UBA6: variants seen among roughly 807,000 people sequenced by gnomAD.
UBA6 encodes ubiquitin-like modifier-activating enzyme 6.
In UBA6, 87 loss-of-function variants were observed where a neutral mutation model predicts 148.3. The observed-to-expected ratio is 0.59, with a 90% CI of 0.49 to 0.70. The LOEUF (loss-of-function observed/expected upper bound fraction) is 0.70. Ranked by LOEUF, UBA6 falls within the 30% of genes least tolerant of loss-of-function variation. The pLI is 0.00. For synonymous variants in UBA6, 376 were observed against 401.0 expected, an observed-to-expected ratio of 0.94 and a Z score of 0.75; for missense variants, 1,186 against 1,241.2, an observed-to-expected ratio of 0.96 and a Z score of 0.67.
Position 67,649,207 on chromosome 4 carries a change from TC to T in UBA6, c.1108del (p.Asp370MetfsTer2). On this transcript the variant is annotated frameshift_variant, in exon 14 of 33. Coordinates refer to ENST00000322244, the MANE Select transcript of UBA6 (RefSeq NM_018227.6). LOFTEE classifies it high-confidence loss of function. ...CCAATGCACAATGTCAGCATTTACA[TC>T]AGGCTAAAACAAAAGCCATAAAAGA... ...SISETLEEKP[D>X]VNADIVHWLS... is the part of the protein sequence containing the mutation. 6.2e-7 allele frequency: 1 copy of T among 1,607,614 alleles called. No homozygotes were observed. Among genetic ancestry groups the T allele is most frequent in the Non-Finnish European group, 8.5e-7 (1 of 1,177,470 alleles).
At chr4:67,671,669 T>C (rs1730152828) in intron 7 of UBA6, among the ~76,000 whole-genome samples, 1 of 152,322 alleles carries the variant, frequency 6.6e-6, no homozygotes, top group East Asian at 1.9e-4. Context: ...AAATATGCTA[T>C]ATAAATACAA....
chr4:67,636,570 T>C lies in UBA6; in HGVS notation c.1737-1012A>G, dbSNP rs1222346675. 2.6e-5 allele frequency among the ~76,000 whole-genome samples: 4 copies of C among 152,352 alleles called. No homozygotes were observed. In the East Asian group the frequency reaches 7.8e-4, roughly 30 times the overall value. ...CCACGCCTGACTGGTTTTCATATTTTTTTGGTGGAGACGGGGTTTTGCAGT... is the reference window on the plus strand; with the variant it reads ...CCACGCCTGACTGGTTTTCATATTTCTTTGGTGGAGACGGGGTTTTGCAGT... On this transcript the variant is annotated intron_variant, in intron 19 of 32. Coordinates refer to ENST00000322244, the MANE Select transcript of UBA6 (RefSeq NM_018227.6).
chr4:67,637,897 C>A (rs1729203799), intron 19 of UBA6, among the ~76,000 whole-genome samples: 2 of 151,190 alleles, frequency 1.3e-5, no homozygotes, highest in Admixed American at 1.3e-4. Flanking sequence ...ATGACCCTGC[C>A]AAATCCCCCT....
chr4:67,683,497 C>T (rs12648675), intron 2 of UBA6, among the ~76,000 whole-genome samples: 18,517 of 152,044 alleles, frequency 0.12, 1,286 homozygotes, highest in South Asian at 0.21. Context: ...AGGCTGCATG[C>T]GGCCCAGGAC....
At position 67,665,215 on chromosome 4, in the gene UBA6, C is replaced by T. The variant is rs1300086929; in HGVS notation, c.871G>A (p.Val291Ile). Residue 291 changes from valine to isoleucine, a missense_variant, in exon 10 of 33, where the codon GTT becomes ATT. Transcript: ENST00000322244. ...AAAAAAACTGTTTTAGGAGTCTTAA[C>T]TTGGACAGCTATGCCTCCATGTAAA... is the stretch of plus-strand genomic sequence containing the variant. ...PYLHGGIAVQVKTPKTVFFES... is the reference protein window; with the variant it reads ...PYLHGGIAVQIKTPKTVFFES... 2 of 1,596,990 alleles carry T rather than the reference C, an allele frequency of 1.3e-6. No homozygotes were observed. The highest frequency in any genetic ancestry group is 1.2e-5 in the South Asian group (1 of 86,696).
intron 26 of UBA6, among the ~76,000 whole-genome samples, chr4:67,629,602 T>C (rs1728950260): frequency 6.6e-6 from 1 of 152,046 alleles, no homozygotes; most frequent in African/African-American, 2.4e-5. Context: ...GATGAACTTA[T>C]ATGAATTTAA....
At chr4:67,670,801 A>G (rs1451053358) in intron 7 of UBA6, among the ~76,000 whole-genome samples, 1 of 151,818 alleles carries the variant, frequency 6.6e-6, no homozygotes, top group Non-Finnish European at 1.5e-5. Flanking sequence ...GATGTCCAGT[A>G]TAACAAAATT....
chr4:67,663,212 G>T lies in UBA6; in HGVS notation c.964C>A (p.Pro322Thr). Residue 322 changes from proline (P) to threonine (T), a missense_variant, in exon 12 of 33, where the codon CCT (proline) becomes ACT (threonine). Physicochemically the swap from Pro to Thr is conservative, Grantham distance 38. Transcript: ENST00000322244. Reference protein sequence around the residue: ...LIVDFSNPEAPLEIHTAMLAL... With the variant: ...LIVDFSNPEATLEIHTAMLAL... ...AGCATAGCTGTGTGAATCTCTAAAG[G>T]TGCCTATTGAGAACATTAAAAATCG... is the stretch of plus-strand genomic sequence containing the variant. 1 of 1,608,402 alleles carries T rather than the reference G, an allele frequency of 6.2e-7. No homozygotes were observed. The highest frequency in any genetic ancestry group is 1.1e-5 in the South Asian group (1 of 89,908).
At chr4:67,656,648 C>T (rs1729704423) in intron 13 of UBA6, among the ~76,000 whole-genome samples, 1 of 152,188 alleles carries the variant, frequency 6.6e-6, no homozygotes, top group Non-Finnish European at 1.5e-5. Flanking sequence ...TCTCACCACT[C>T]CTATTCAACA....
Position 67,616,533 on chromosome 4 carries a change from T to C in UBA6, c.*2464A>G. 6.1e-6 allele frequency: 1 copy of C among 163,284 alleles called. No individual in the cohort carries two copies. Among genetic ancestry groups the C allele is most frequent in the Non-Finnish European group, 1.3e-5 (1 of 75,366 alleles). 10.1% of individuals were successfully genotyped at this position (163,284 alleles called of 1,614,324 possible). ...AACTGCTTTGAACTCTAAAAAGAAA[T>C]GGACTTTACAAATCCCTAACCAGTA... is the stretch of plus-strand genomic sequence containing the variant. On this transcript the variant is annotated 3_prime_UTR_variant, in exon 33 of 33. Transcript: ENST00000322244.
Position 67,620,663 on chromosome 4 carries a change from G to A in UBA6, c.3024-1531C>T, listed in dbSNP as rs182566465. ...GAATCAATTTCCTTTAATAGACTGT[G>A]AACTGCTTGAGGGCAGGGCTTGATG... On this transcript the variant is annotated intron_variant, in intron 32 of 32. Transcript: ENST00000322244. Among the ~76,000 whole-genome samples the A allele has an allele frequency of 2.0e-5, 3 of 152,310 alleles. No homozygotes were observed. In the East Asian group the frequency reaches 5.8e-4, roughly 29 times the overall value.
At chr4:67,627,862 G>GA (rs1160439348) in intron 27 of UBA6, among the ~76,000 whole-genome samples, 1 of 145,654 alleles carries the variant, frequency 6.9e-6, no homozygotes, top group Non-Finnish European at 1.5e-5. Flanking sequence ...ATGTAAAAAA[G>GA]AAAAAAAAGT....
Position 67,616,171 on chromosome 4 carries a change from T to TC in UBA6, c.*2825dup, listed in dbSNP as rs1209098226. On this transcript the variant is annotated 3_prime_UTR_variant, in exon 33 of 33. Coordinates refer to ENST00000322244, the MANE Select transcript of UBA6 (RefSeq NM_018227.6). Reference sequence around the variant, plus strand: ...GAGCTCAACTCTGATTTTTTTTTTTTCAGAGAAAGCATTCAGATTATATGT... The same window carrying TC: ...GAGCTCAACTCTGATTTTTTTTTTTTCCAGAGAAAGCATTCAGATTATATGT... The TC allele has an allele frequency of 5.3e-5, 21 of 396,648 alleles. No individual in the cohort carries two copies. Among genetic ancestry groups the TC allele is most frequent in the Admixed American group, 3.1e-4 (7 of 22,640 alleles). The allele number at this position is 396,648 out of a possible 1,614,324, so 24.6% of individuals were successfully genotyped here.
At chr4:67,662,295 A>C (rs1342833485) in intron 12 of UBA6, 40 bp from the exon 13 acceptor site, 3 of 1,556,352 alleles carry the variant, frequency 1.9e-6, no homozygotes, top group Non-Finnish European at 2.6e-6. Flanking sequence ...TAATTTTCTC[A>C]ACTGCCATAA....
chr4:67,631,783 A>T lies in UBA6; in HGVS notation c.2195-12T>A. 1.2e-6 allele frequency: 2 copies of T among 1,611,488 alleles called. No individual in the cohort carries two copies. The highest frequency in any genetic ancestry group is 2.2e-5 in the South Asian group (2 of 90,732). On this transcript the variant is annotated splice_polypyrimidine_tract_variant and intron_variant, in intron 24 of 32. Coordinates refer to ENST00000322244, the MANE Select transcript of UBA6 (RefSeq NM_018227.6). Reference sequence around the variant, plus strand: ...CTGCCAAAATAAACCTGGCAAAAAGATACAAATATCATTTTCAATGTATGT... The same window carrying T: ...CTGCCAAAATAAACCTGGCAAAAAGTTACAAATATCATTTTCAATGTATGT...
intron 18 of UBA6, among the ~76,000 whole-genome samples, chr4:67,640,807 T>TA (rs1560483603): frequency 6.6e-6 from 1 of 152,046 alleles, no homozygotes; most frequent in Non-Finnish European, 1.5e-5. Context: ...ATGACAAAGA[T>TA]AAAAAAAGAC....
chr4:67,681,626 T>C (rs1220033019), intron 3 of UBA6, 35 bp from the exon 4 acceptor site: 10 of 1,503,552 alleles, frequency 6.7e-6, no homozygotes, highest in South Asian at 2.4e-5. Flanking sequence ...TAGCTCAATA[T>C]TGGGAATACA....
rs1413095073 is a variant in UBA6, at chr4:67,672,015, T to TC, written c.547-1424dup. On this transcript the variant is annotated intron_variant, in intron 7 of 32. Transcript: ENST00000322244. ...ACCTTTTTTTTAAACAAAAGATACC[T>TC]CAAATTCAATGACTTCTGACTATCT... 1.5e-4 allele frequency among the ~76,000 whole-genome samples: 23 copies of TC among 151,416 alleles called. No homozygotes were observed. The Admixed American group carries it at 1.6e-3, about 10-fold the overall frequency.
chr4:67,648,437 C>T (rs1241443362), intron 14 of UBA6, among the ~76,000 whole-genome samples: 6 of 142,924 alleles, frequency 4.2e-5, no homozygotes, highest in African/African-American at 1.6e-4. Flanking sequence ...CATTGCACTC[C>T]AGCCTGGGTA....
Sources: allele counts gnomAD v4.1 joint callset (sites outside exome capture counted in the v4.1 genomes callset), GRCh38; gene constraint gnomAD v4.1.1; transcripts MANE v1.5; gene names NCBI Gene and HGNC (gene_info 2026-07-23, HGNC 2026-07-21).